ZNF621: variants seen among roughly 807,000 people sequenced by gnomAD.
ZNF621 encodes zinc finger protein 621.
A neutral mutation model predicts 12.7 loss-of-function variants in ZNF621; 6 were observed. That is an observed-to-expected ratio of 0.47 (90% CI 0.26 to 0.93). ZNF621 has a LOEUF of 0.93. Ranked by LOEUF, ZNF621 falls within the 40% of genes least tolerant of loss-of-function variation. The pLI, the probability that ZNF621 is intolerant of heterozygous loss-of-function variation, is 0.15. For synonymous variants in ZNF621, 156 were observed against 190.3 expected, an observed-to-expected ratio of 0.82 and a Z score of 1.48; for missense variants, 474 against 524.0, an observed-to-expected ratio of 0.90 and a Z score of 0.93.
chr3:40,528,779 T>G (rs1698648627), intron 2 of ZNF621, among the ~76,000 whole-genome samples: 1 of 152,244 alleles, frequency 6.6e-6, no homozygotes, highest in Non-Finnish European at 1.5e-5. Flanking sequence ...TATGCCTATT[T>G]GCTATCTGTA....
Position 40,532,032 on chromosome 3 carries a change from G to A in ZNF621, c.262G>A (p.Gly88Ser), listed in dbSNP as rs573001813. 2 of 1,603,604 alleles carry A rather than the reference G, an allele frequency of 1.2e-6. No individual in the cohort carries two copies. Among genetic ancestry groups the A allele is most frequent in the East Asian group, 4.5e-5 (2 of 44,714 alleles). Residue 88 changes from glycine to serine, a missense_variant and splice_region_variant, in exon 5 of 5, where the codon GGT becomes AGT. Coordinates refer to ENST00000339296, the MANE Select transcript of ZNF621 (RefSeq NM_198484.5). ...ACACTTGTGGTTTCTTTGGTCAGGT[G>A]GTGAGTCCTGGATCAAAAATGAAGG... Reference protein sequence around the residue: ...TEILRGISQGGESWIKNEGLV... With the variant: ...TEILRGISQGSESWIKNEGLV...
chr3:40,531,330 C>T (rs1187714565), intron 4 of ZNF621, among the ~76,000 whole-genome samples: 2 of 152,112 alleles, frequency 1.3e-5, no homozygotes, highest in African/African-American at 4.8e-5. Flanking sequence ...TTCCTTTCTC[C>T]TCTTCTGGGT....
At chr3:40,523,131 G>T (rs917453380), upstream of ZNF621, among the ~76,000 whole-genome samples, 2 of 151,484 alleles carry the variant, frequency 1.3e-5, no homozygotes, top group African/African-American at 2.4e-5. Context: ...CTCTTTTTAG[G>T]ACTGACTGAC....
chr3:40,523,781 CAAAA>C (rs1698512256), upstream of ZNF621, among the ~76,000 whole-genome samples: 1 of 116,006 alleles, frequency 8.6e-6, no homozygotes, highest in African/African-American at 3.9e-5. Flanking sequence ...AACAAACAAA[CAAAA>C]AACAAGCAAA....
At chr3:40,525,729 T>C in intron 1 of ZNF621, 50 bp from the exon 2 acceptor site, 1 of 1,456,834 alleles carries the variant, frequency 6.9e-7, no homozygotes, top group Non-Finnish European at 9.6e-7. Flanking sequence ...TAGGTTGCTG[T>C]AGGTGGTGGA....
chr3:40,532,021 T>C lies in ZNF621; in HGVS notation c.260-9T>C. The C allele has an allele frequency of 6.3e-7, 1 of 1,585,642 alleles. No individual in the cohort carries two copies. Among genetic ancestry groups the C allele is most frequent in the South Asian group, 1.1e-5 (1 of 88,134 alleles). On this transcript the variant is annotated splice_polypyrimidine_tract_variant and intron_variant, in intron 4 of 4. Transcript: ENST00000339296. ...TGTAACTAGGAACACTTGTGGTTTC[T>C]TTGGTCAGGTGGTGAGTCCTGGATC...
rs1326650910 is a variant in ZNF621 at position 40,536,008 on chromosome 3, A to G, written c.*2918A>G. On this transcript the variant is annotated 3_prime_UTR_variant, in exon 5 of 5. Transcript: ENST00000339296. The stretch of plus-strand genomic sequence containing the variant: ...GGGGTTTTATGCTACCAGATATTAT[A>G]TACAATGATCATCAAACACAGAACA... The G allele has an allele frequency of 6.6e-6, 1 of 152,160 alleles. No homozygotes were observed. The highest frequency in any genetic ancestry group is 1.9e-4 in the East Asian group (1 of 5,198). The allele number at this position is 152,160 out of a possible 1,614,324, so 9.4% of individuals were successfully genotyped here. A position where few individuals can be genotyped will look rare whatever the true frequency, so the allele number is the denominator to read the frequency against.
rs1302110356 is a variant in ZNF621 at position 40,536,558 on chromosome 3, C to G, written c.*3468C>G. ...CTGTCTCCTTTATTCTGCTACTGCT[C>G]TCATTCTGTCTCATCCCAGGAATCC... On this transcript the variant is annotated 3_prime_UTR_variant, in exon 5 of 5. Coordinates refer to ENST00000339296, the MANE Select transcript of ZNF621 (RefSeq NM_198484.5). 1.3e-5 allele frequency: 2 copies of G among 152,204 alleles called. No individual in the cohort carries two copies. Among genetic ancestry groups the G allele is most frequent in the East Asian group, 1.9e-4 (1 of 5,196 alleles). The allele number at this position is 152,204 out of a possible 1,614,324, so 9.4% of individuals were successfully genotyped here. A position where few individuals can be genotyped will look rare whatever the true frequency, so the allele number is the denominator to read the frequency against.
Position 40,532,934 on chromosome 3 carries a change from T to C in ZNF621, c.1164T>C (p.His388=), listed in dbSNP as rs1158346568. ...AVAVPSLTFP[H]AVLIPTSGNF... ...CTGTGCCTTCACTGACCTTTCCACA[T>C]GCTGTGCTCATTCCTACCTCTGGGA... The change falls in exon 5 of 5, where the codon CAT becomes CAC. Residue 388 remains histidine (H), a synonymous_variant. Transcript: ENST00000339296. The C allele has an allele frequency of 6.4e-7, 1 of 1,561,874 alleles. No individual in the cohort carries two copies. The highest frequency in any genetic ancestry group is 1.9e-5 in the Admixed American group (1 of 51,656).
At chr3:40,529,511 A>G in intron 3 of ZNF621, 66 bp downstream of exon 3, 4 of 1,604,804 alleles carry the variant, frequency 2.5e-6, no homozygotes, top group Non-Finnish European at 3.4e-6. Flanking sequence ...TGGGGATTCT[A>G]GTAGCCCTTG....
Position 40,532,447 on chromosome 3 carries a change from A to G in ZNF621, c.677A>G (p.Gln226Arg). 6.2e-7 allele frequency: 1 copy of G among 1,614,092 alleles called. No individual in the cohort carries two copies. Among genetic ancestry groups the G allele is most frequent in the Non-Finnish European group, 8.5e-7 (1 of 1,180,026 alleles). ...LSSNTALTQHQRIHTGEKPYE... is the reference protein window; with the variant it reads ...LSSNTALTQHRRIHTGEKPYE... The stretch of plus-strand genomic sequence containing the variant: ...TCCAACACAGCCTTGACTCAACATC[A>G]GAGGATCCACACTGGAGAGAAACCC... Residue 226 changes from glutamine to arginine, a missense_variant, in exon 5 of 5, where the codon CAG (glutamine) becomes CGG (arginine). By Grantham distance (43) the Gln-to-Arg change is conservative. Coordinates refer to ENST00000339296, the MANE Select transcript of ZNF621 (RefSeq NM_198484.5).
At position 40,539,756 on chromosome 3, in the gene ZNF621, A is replaced by G. The variant is rs1319846317; in HGVS notation, c.*6666A>G. On this transcript the variant is annotated 3_prime_UTR_variant, in exon 5 of 5. Coordinates refer to ENST00000339296, the MANE Select transcript of ZNF621 (RefSeq NM_198484.5). ...CATTTAAAAAGCCTGATGATTTAATATTTTTCATAAAGAAAACTTTTGACA... is the reference window on the plus strand; with the variant it reads ...CATTTAAAAAGCCTGATGATTTAATGTTTTTCATAAAGAAAACTTTTGACA... 6.6e-6 allele frequency: 1 copy of G among 152,180 alleles called. No individual in the cohort carries two copies. Among genetic ancestry groups the G allele is most frequent in the African/African-American group, 2.4e-5 (1 of 41,434 alleles). 9.4% of individuals were successfully genotyped at this position (152,180 alleles called of 1,614,324 possible). A position where few individuals can be genotyped will look rare whatever the true frequency, so the allele number is the denominator to read the frequency against.
rs1195393511 is a variant in ZNF621, at chr3:40,529,341, T to C, written c.47T>C (p.Val16Ala). ...WPQESVTFED[V>A]AVYFTQNQWA... ...CAGGAGTCAGTGACCTTTGAGGATG[T>C]GGCTGTTTACTTCACCCAGAATCAA... Residue 16 changes from valine (V) to alanine (A), a missense_variant, in exon 3 of 5, where the codon GTG becomes GCG. Coordinates refer to ENST00000339296, the MANE Select transcript of ZNF621 (RefSeq NM_198484.5). 13 of 1,613,750 alleles carry C rather than the reference T, an allele frequency of 8.1e-6. No individual in the cohort carries two copies. The South Asian group carries it at 1.4e-4, about 18-fold the overall frequency.
upstream of ZNF621, among the ~76,000 whole-genome samples, chr3:40,523,352 C>G (rs558904839): frequency 6.6e-6 from 1 of 152,306 alleles, no homozygotes; most frequent in South Asian, 2.1e-4. Context: ...TATCCAGGAT[C>G]ATTTTTTATC....
upstream of ZNF621, among the ~76,000 whole-genome samples, chr3:40,523,290 G>A (rs903797741): frequency 3.3e-5 from 5 of 152,126 alleles, no homozygotes; most frequent in Non-Finnish European, 5.9e-5. Context: ...TCTTAAGAAA[G>A]GAATAACAAA....
At chr3:40,528,572 G>A (rs1371281520) in intron 2 of ZNF621, among the ~76,000 whole-genome samples, 2 of 152,156 alleles carry the variant, frequency 1.3e-5, no homozygotes, top group Admixed American at 6.6e-5. Context: ...AGAAATTGAC[G>A]AACTGTCTTC....
chr3:40,523,831 A>G (rs2125669609), upstream of ZNF621, among the ~76,000 whole-genome samples: 2 of 150,110 alleles, frequency 1.3e-5, no homozygotes, highest in East Asian at 3.9e-4. Flanking sequence ...CTTAGCAACC[A>G]CTTTGATACT....
At position 40,537,791 on chromosome 3, in the gene ZNF621, C is replaced by A; in HGVS notation, c.*4701C>A. The A allele has an allele frequency of 1.2e-5, 2 of 163,582 alleles. No homozygotes were observed. The highest frequency in any genetic ancestry group is 3.5e-4 in the South Asian group (2 of 5,764). 10.1% of individuals were successfully genotyped at this position (163,582 alleles called of 1,614,324 possible). A position where few individuals can be genotyped will look rare whatever the true frequency, so the allele number is the denominator to read the frequency against. ...GGTTGGTTCATGAGGTTTAAGAAGT[C>A]ATCTTATCATAAAAGTGCAAGGTGA... On this transcript the variant is annotated 3_prime_UTR_variant, in exon 5 of 5. Transcript: ENST00000339296.
chr3:40,530,051 C>T (rs1443783487), intron 3 of ZNF621, among the ~76,000 whole-genome samples, 158 bp from the exon 4 acceptor site: 1 of 152,118 alleles, frequency 6.6e-6, no homozygotes, highest in Non-Finnish European at 1.5e-5. Flanking sequence ...TTGGCTTTAT[C>T]GTGGAGCACA....
Sources: gnomAD v4.1 joint callset for allele counts (sites outside exome capture counted in the v4.1 genomes callset) on GRCh38, gnomAD v4.1.1 for gene constraint, MANE v1.5 for transcripts, NCBI Gene and HGNC (gene_info 2026-07-23, HGNC 2026-07-21) for gene names.